The following CRB2 variants were observed in gnomAD, a reference collection of about 807,000 sequenced individuals.
The protein encoded by CRB2 is protein crumbs homolog 2.
In CRB2, 85 loss-of-function variants were observed where a neutral mutation model predicts 110.9. The observed-to-expected ratio is 0.77, with a 90% CI of 0.64 to 0.92. CRB2 has a LOEUF of 0.92. Among genes scored for constraint, CRB2 ranks in the 40% least tolerant of loss-of-function variants. The pLI is 0.00. For synonymous variants in CRB2, 907 were observed against 831.0 expected, an observed-to-expected ratio of 1.09 and a Z score of -1.57; for missense variants, 1,843 against 1,851.3, an observed-to-expected ratio of 1.00 and a Z score of 0.08.
chr9:123,359,988 G>A (rs1231077823), intron 1 of CRB2, among the ~76,000 whole-genome samples: 2 of 151,808 alleles, frequency 1.3e-5, no homozygotes, highest in Non-Finnish European at 2.9e-5. Context: ...ATGTACTAAA[G>A]CAACAATATG....
chr9:123,373,979 G>C, intron 10 of CRB2, 59 bp downstream of exon 10: 4 of 1,547,604 alleles, frequency 2.6e-6, no homozygotes, highest in Non-Finnish European at 3.5e-6. Flanking sequence ...TGGTGGGGCA[G>C]AGAAGTCTGC....
chr9:123,374,005 G>A, intron 10 of CRB2, 85 bp downstream of exon 10: 1 of 1,500,430 alleles, frequency 6.7e-7, no homozygotes, highest in African/African-American at 1.4e-5. Context: ...CTGTGGATGA[G>A]TCGCTTCCCT....
At position 123,373,614 on chromosome 9, in the gene CRB2, G is replaced by A. The variant is rs1564377508; in HGVS notation, c.3083G>A (p.Arg1028Gln). 1.5e-6 allele frequency: 2 copies of A among 1,352,480 alleles called. No homozygotes were observed. Among genetic ancestry groups the A allele is most frequent in the African/African-American group, 1.5e-5 (1 of 64,974 alleles). 83.8% of individuals were successfully genotyped at this position (1,352,480 alleles called of 1,614,324 possible). A position where few individuals can be genotyped will look rare whatever the true frequency, so the allele number is the denominator to read the frequency against. Residue 1028 changes from arginine to glutamine, a missense_variant, in exon 10 of 13, where the codon CGG (arginine) becomes CAG (glutamine). Arg to Gln is a conservative substitution (Grantham distance 43, BLOSUM62 1). Coordinates refer to ENST00000373631, the MANE Select transcript of CRB2 (RefSeq NM_173689.7). Reference sequence around the variant, plus strand: ...GGCGGCCTGCCCCTGCCCTTGGCGCGGCCCCGGCCCGGCGCGGCCCCTGGC... The same window carrying A: ...GGCGGCCTGCCCCTGCCCTTGGCGCAGCCCCGGCCCGGCGCGGCCCCTGGC... ...ALGGLPLPLA[R>Q]PRPGAAPGAR...
At chr9:123,358,257 C>T (rs1461981786) in intron 1 of CRB2, among the ~76,000 whole-genome samples, 2 of 152,240 alleles carry the variant, frequency 1.3e-5, no homozygotes, top group African/African-American at 2.4e-5. Flanking sequence ...AGCTGGGCCT[C>T]TCCATCCTGG....
At position 123,374,420 on chromosome 9, in the gene CRB2, TC is replaced by T. The variant is rs1043627019; in HGVS notation, c.3390-156del. 5.3e-5 allele frequency among the ~76,000 whole-genome samples: 8 copies of T among 152,274 alleles called. 1 individual carries two copies. Among genetic ancestry groups the T allele is most frequent in the Admixed American group, 2.6e-4 (4 of 15,300 alleles). Reference sequence around the variant, plus strand: ...TCTGGAAAGCGAGTGCAACCCTGTGTCCCTTCCCTCCCATCAGGGACCTCAA... The same window carrying T: ...TCTGGAAAGCGAGTGCAACCCTGTGTCCTTCCCTCCCATCAGGGACCTCAA... On this transcript the variant is annotated intron_variant, in intron 10 of 12. Transcript: ENST00000373631.
Position 123,363,318 on chromosome 9 carries a change from G to A in CRB2, c.418+130G>A, listed in dbSNP as rs1588206591. 2.5e-5 allele frequency: 24 copies of A among 971,442 alleles called. No individual in the cohort carries two copies. The East Asian group carries it at 4.8e-4, about 19-fold the overall frequency. The allele number at this position is 971,442 out of a possible 1,614,324, so 60.2% of individuals were successfully genotyped here. ...CCCCAGGCATCCGGGCAGCTCTAGG[G>A]TATATCCACTTGGTCTGACTACAGA... On this transcript the variant is annotated intron_variant, in intron 2 of 12. Coordinates refer to ENST00000373631, the MANE Select transcript of CRB2 (RefSeq NM_173689.7).
intron 2 of CRB2, among the ~76,000 whole-genome samples, chr9:123,364,162 C>G (rs2041900400): frequency 6.6e-6 from 1 of 152,194 alleles, no homozygotes. Flanking sequence ...TCTCATCGTT[C>G]CAGTGTCTCA....
At chr9:123,365,653 T>C (rs559003664) in intron 2 of CRB2, among the ~76,000 whole-genome samples, 1 of 152,286 alleles carries the variant, frequency 6.6e-6, no homozygotes, top group South Asian at 2.1e-4. Flanking sequence ...ACCTAGCTCA[T>C]TTAGGTAATT....
intron 6 of CRB2, 70 bp downstream of exon 6, chr9:123,367,756 C>A (rs2041959189): frequency 9.6e-7 from 1 of 1,045,136 alleles, no homozygotes; most frequent in South Asian, 1.4e-5. Context: ...TCCCTTCTGT[C>A]TGGATGTGTG....
chr9:123,367,220 G>A lies in CRB2; in HGVS notation c.803G>A (p.Ser268Asn), dbSNP rs1403520407. The change falls in exon 5 of 13, where the codon AGC becomes AAC. Residue 268 changes from serine to asparagine, a missense_variant. Physicochemically the swap from Ser to Asn is conservative, Grantham distance 46. Coordinates refer to ENST00000373631, the MANE Select transcript of CRB2 (RefSeq NM_173689.7). ...GTGGACGAGGACGAGTGTGCATCGAGCCCCTGCCAGCATGGGGGCCGATGC... is the reference window on the plus strand; with the variant it reads ...GTGGACGAGGACGAGTGTGCATCGAACCCCTGCCAGCATGGGGGCCGATGC... The part of the protein sequence containing the change: ...CEVDEDECAS[S>N]PCQHGGRCLQ... 1 of 1,600,646 alleles carries A rather than the reference G, an allele frequency of 6.2e-7. No homozygotes were observed. The highest frequency in any genetic ancestry group is 8.5e-7 in the Non-Finnish European group (1 of 1,178,136).
At chr9:123,363,225 T>C in intron 2 of CRB2, 37 bp downstream of exon 2, 2 of 1,559,086 alleles carry the variant, frequency 1.3e-6, no homozygotes, top group Admixed American at 1.8e-5. Flanking sequence ...AGGTCTGTAA[T>C]GCAGATCGCA....
At chr9:123,367,402 A>G in intron 5 of CRB2, 45 bp downstream of exon 5, 3 of 1,527,034 alleles carry the variant, frequency 2.0e-6, no homozygotes, top group Non-Finnish European at 1.8e-6. Context: ...CCAGATGCCC[A>G]GGGAGGGATC....
At chr9:123,368,815 G>A (rs1055696113) in intron 6 of CRB2, 54 of 1,221,566 alleles carry the variant, frequency 4.4e-5, no homozygotes, top group Middle Eastern at 3.4e-4. Context: ...AGCTGGGCCA[G>A]GCAGGGAGCT....
intron 2 of CRB2, among the ~76,000 whole-genome samples, chr9:123,363,462 C>T (rs527804535): frequency 5.3e-5 from 8 of 152,144 alleles, no homozygotes; most frequent in South Asian, 2.1e-4. Flanking sequence ...AGTTTGGCTG[C>T]GGGGGTGGAA....
chr9:123,366,967 T>C (rs77947782), intron 4 of CRB2, among the ~76,000 whole-genome samples: 2 of 146,644 alleles, frequency 1.4e-5, no homozygotes, highest in African/African-American at 5.0e-5. Context: ...AAAAAATTAG[T>C]AGTAAGACTA....
chr9:123,364,001 C>G (rs1162918298), intron 2 of CRB2, among the ~76,000 whole-genome samples: 1 of 152,168 alleles, frequency 6.6e-6, no homozygotes, highest in Admixed American at 6.5e-5. Flanking sequence ...ATCCTGAATT[C>G]AGACAACTGT....
chr9:123,374,299 CCCCTCCCTCTCCCCTCAAGGAAT>C (rs1192499867), intron 10 of CRB2, among the ~76,000 whole-genome samples: 1 of 150,668 alleles, frequency 6.6e-6, no homozygotes, highest in East Asian at 1.9e-4. Context: ...TGTGGCCTGA[CCCCTCCCTCTCCCCTCAAGGAAT>C]GTCCAGGCGT....
rs770035011 is a variant in CRB2 at position 123,363,145 on chromosome 9, C to T, written c.375C>T (p.Asn125=). The part of the protein sequence containing the change: ...RPCHHGATCR[N]LADRYECHCP... ...GCCACCATGGGGCCACCTGCCGCAA[C>T]CTGGCCGATCGCTACGAGTGCCATT... The change falls in exon 2 of 13, where the codon AAC becomes AAT. Residue 125 remains asparagine (N), a synonymous_variant. Coordinates refer to ENST00000373631, the MANE Select transcript of CRB2 (RefSeq NM_173689.7). 3 of 1,610,800 alleles carry T rather than the reference C, an allele frequency of 1.9e-6. No homozygotes were observed. The highest frequency in any genetic ancestry group is 2.5e-6 in the Non-Finnish European group (3 of 1,179,230).
upstream of CRB2, chr9:123,356,167 A>C: frequency 1.2e-6 from 1 of 809,014 alleles, no homozygotes; most frequent in Non-Finnish European, 1.8e-6. Context: ...TGTCCACAGC[A>C]TTAGTGCTGG....
Sources: allele counts gnomAD v4.1 joint callset (sites outside exome capture counted in the v4.1 genomes callset), GRCh38; gene constraint gnomAD v4.1.1; transcripts MANE v1.5; gene names NCBI Gene and HGNC (gene_info 2026-07-23, HGNC 2026-07-21).